The following TPH1 variants were observed in gnomAD, a reference collection of about 807,000 sequenced individuals.
TPH1 encodes the protein tryptophan 5-hydroxylase 1.
Under a neutral mutation model 49.5 loss-of-function variants are expected in TPH1, and 37 were observed. The observed-to-expected ratio is 0.75, with a 90% CI of 0.58 to 0.98. The LOEUF is 0.98. TPH1 is among the 50% of genes least tolerant of loss of function. TPH1 has a pLI of 0.00. For synonymous variants in TPH1, 160 were observed against 182.1 expected, an observed-to-expected ratio of 0.88 and a Z score of 0.98; for missense variants, 487 against 523.6, an observed-to-expected ratio of 0.93 and a Z score of 0.68.
chr11:18,035,830 T>A lies in TPH1; in HGVS notation c.301+129A>T, dbSNP rs149151430. The A allele has an allele frequency of 4.3e-4, 320 of 738,764 alleles. 2 individuals are homozygous for A. Among genetic ancestry groups the A allele is most frequent in the Non-Finnish European group, 6.6e-4 (295 of 447,358 alleles). 45.8% of individuals were successfully genotyped at this position (738,764 alleles called of 1,614,324 possible). Reference sequence around the variant, plus strand: ...GGAGCAACTATATTTTGTGTTCCCTTCACTATCAGACTGTAAGCAATTTGG... The same window carrying A: ...GGAGCAACTATATTTTGTGTTCCCTACACTATCAGACTGTAAGCAATTTGG... On this transcript the variant is annotated intron_variant, in intron 3 of 10. Transcript: ENST00000682019.
Position 18,020,052 on chromosome 11 carries a change from TTATC to T in TPH1, c.*935_*938del, listed in dbSNP as rs1161115931. 5 of 226,570 alleles carry T rather than the reference TTATC, an allele frequency of 2.2e-5. No individual in the cohort carries two copies. The East Asian group carries it at 5.1e-4, about 23-fold the overall frequency. The allele number at this position is 226,570 out of a possible 1,614,324, so 14.0% of individuals were successfully genotyped here. On this transcript the variant is annotated 3_prime_UTR_variant, in exon 11 of 11. Coordinates refer to ENST00000682019, the MANE Select transcript of TPH1 (RefSeq NM_004179.3). The stretch of plus-strand genomic sequence containing the variant: ...TTCTATCTTTTACTTTGTGCTTCTC[TTATC>T]TATCTCAGTTTGAACTCTTCCTTTG...
At position 18,021,006 on chromosome 11, in the gene TPH1, C is replaced by G. The variant is rs1458829470; in HGVS notation, c.1320G>C (p.Arg440Ser). 6.2e-7 allele frequency: 1 copy of G among 1,613,940 alleles called. No individual in the cohort carries two copies. Among genetic ancestry groups the G allele is most frequent in the African/African-American group, 1.3e-5 (1 of 74,902 alleles). ...VVSDALAKVSRKPSI is the reference protein window; with the variant it reads ...VVSDALAKVSSKPSI Reference sequence around the variant, plus strand: ...CTGGCTACTGTTAGATACTCGGCTTCCTGCTGACCTTAGCAAGGGCATCAC... The same window carrying G: ...CTGGCTACTGTTAGATACTCGGCTTGCTGCTGACCTTAGCAAGGGCATCAC... The change falls in exon 11 of 11, where the codon AGG (arginine) becomes AGC (serine). Residue 440 changes from arginine to serine, a missense_variant. Transcript: ENST00000682019.
chr11:18,026,565 G>T lies in TPH1; in HGVS notation c.728C>A (p.Ser243Ter). 1 of 1,614,032 alleles carries T rather than the reference G, an allele frequency of 6.2e-7. No homozygotes were observed. Among genetic ancestry groups the T allele is most frequent in the Non-Finnish European group, 8.5e-7 (1 of 1,179,976 alleles). ...GTGAAAAACTCGAAAGGCTAAACCT[G>T]ATAAGAAATCTCTTGGTGATAAGTA... is the stretch of plus-strand genomic sequence containing the variant. ...AGYLSPRDFL[S>*]GLAFRVFHCT... Residue 243 changes from serine to a stop codon, truncating the protein, a stop_gained, in exon 7 of 11, where the codon TCA (serine) becomes TAA (stop). Transcript: ENST00000682019. LOFTEE classifies it high-confidence loss of function.
At chr11:18,021,213 G>C in intron 10 of TPH1, 48 bp from the exon 11 acceptor site, 1 of 1,560,376 alleles carries the variant, frequency 6.4e-7, no homozygotes, top group Non-Finnish European at 8.8e-7. Flanking sequence ...GGGAGTGAAT[G>C]ATGAAAACTA....
intron 3 of TPH1, among the ~76,000 whole-genome samples, chr11:18,034,894 C>T (rs966620438): frequency 6.7e-4 from 102 of 152,158 alleles, no homozygotes; most frequent in African/African-American, 2.4e-3. Flanking sequence ...ATCAGTTGTT[C>T]CTGTTTTTGG....
intron 10 of TPH1, among the ~76,000 whole-genome samples, chr11:18,022,075 A>G (rs1325185484): frequency 6.6e-6 from 1 of 152,220 alleles, no homozygotes; most frequent in Non-Finnish European, 1.5e-5. Context: ...ATCGATCTCC[A>G]TCATCACAAT....
At chr11:18,042,609 T>C (rs1024930229) in intron 1 of TPH1, among the ~76,000 whole-genome samples, 1 of 152,208 alleles carries the variant, frequency 6.6e-6, no homozygotes, top group African/African-American at 2.4e-5. Context: ...GGATTAAACA[T>C]ATATAAACTT....
chr11:18,039,211 C>T (rs537289403), intron 2 of TPH1, among the ~76,000 whole-genome samples: 3 of 152,240 alleles, frequency 2.0e-5, no homozygotes, highest in Admixed American at 2.0e-4. Context: ...AATAGTATGT[C>T]ATATGATTAT....
At chr11:18,034,937 T>A (rs576534643) in intron 3 of TPH1, among the ~76,000 whole-genome samples, 1 of 152,328 alleles carries the variant, frequency 6.6e-6, no homozygotes, top group East Asian at 1.9e-4. Context: ...AGACAATTTT[T>A]CCAAGAAGGA....
Position 18,023,898 on chromosome 11 carries a change from C to T in TPH1, c.1016G>A (p.Ser339Asn). 2 of 1,612,538 alleles carry T rather than the reference C, an allele frequency of 1.2e-6. No individual in the cohort carries two copies. The highest frequency in any genetic ancestry group is 2.2e-5 in the South Asian group (2 of 91,050). The part of the protein sequence containing the change: ...VFGAGLLSSI[S>N]ELKHALSGHA... ...ATTTGCAACTCTTACTTTGAGTTCA[C>T]TGATAGAAGAAAGTAAGCCAGCACC... Residue 339 changes from serine (S) to asparagine (N), a missense_variant, in exon 9 of 11, where the codon AGT becomes AAT. Ser to Asn is a conservative substitution (Grantham distance 46, BLOSUM62 1). Coordinates refer to ENST00000682019, the MANE Select transcript of TPH1 (RefSeq NM_004179.3).
chr11:18,036,835 T>C (rs1289679345), intron 2 of TPH1, among the ~76,000 whole-genome samples: 1 of 152,204 alleles, frequency 6.6e-6, no homozygotes, highest in Non-Finnish European at 1.5e-5. Context: ...TACTAACCAG[T>C]GCATCCTAAA....
At chr11:18,022,060 C>T (rs1285106254) in intron 10 of TPH1, among the ~76,000 whole-genome samples, 1 of 152,224 alleles carries the variant, frequency 6.6e-6, no homozygotes, top group African/African-American at 2.4e-5. Flanking sequence ...ATGACTTCAA[C>T]CCCTATCGAT....
At chr11:18,030,654 G>A (rs368503117) in intron 4 of TPH1, among the ~76,000 whole-genome samples, 53 of 152,246 alleles carry the variant, frequency 3.5e-4, no homozygotes, top group African/African-American at 1.2e-3. Context: ...TACAATAAAT[G>A]TCTCATCATA....
At chr11:18,032,116 G>T (rs1317516572) in intron 4 of TPH1, among the ~76,000 whole-genome samples, 4 of 152,090 alleles carry the variant, frequency 2.6e-5, no homozygotes, top group African/African-American at 7.2e-5. Context: ...GCTAACACAT[G>T]AGAGAAGCTA....
At chr11:18,024,548 T>C (rs1341018366) in intron 8 of TPH1, among the ~76,000 whole-genome samples, 1 of 152,142 alleles carries the variant, frequency 6.6e-6, no homozygotes, top group African/African-American at 2.4e-5. Flanking sequence ...TTAACAGTCT[T>C]TTTGGATAGT....
rs151316376 is a variant in TPH1 at position 18,036,680 on chromosome 11, A to G, written c.118-538T>C. Among the ~76,000 whole-genome samples the G allele has an allele frequency of 3.4e-3, 515 of 152,292 alleles. 10 individuals carry two copies. Among genetic ancestry groups the G allele is most frequent in the Non-Finnish European group, 3.0e-3 (203 of 68,036 alleles). On this transcript the variant is annotated intron_variant, in intron 2 of 10. Transcript: ENST00000682019. The stretch of plus-strand genomic sequence containing the variant: ...AGCCTAAGATGGGGGTGCTCTGTGT[A>G]TAAGTGTGGGAGGAGGGTATGTTCT...
At position 18,026,510 on chromosome 11, in the gene TPH1, A is replaced by T. The variant is rs1430556261; in HGVS notation, c.783T>A (p.Asp261Glu). The change falls in exon 7 of 11, where the codon GAT (aspartate) becomes GAA (glutamate). Residue 261 changes from aspartate to glutamate, a missense_variant. By Grantham distance (45) the Asp-to-Glu change is conservative (BLOSUM62 2). Coordinates refer to ENST00000682019, the MANE Select transcript of TPH1 (RefSeq NM_004179.3). Reference sequence around the variant, plus strand: ...CTTACGGCTCTGGGGTATAGAAGGGATCTGAACTGTGTCTCACATATTGAG... The same window carrying T: ...CTTACGGCTCTGGGGTATAGAAGGGTTCTGAACTGTGTCTCACATATTGAG... The part of the protein sequence containing the change: ...HCTQYVRHSS[D>E]PFYTPEPDTC... 1 of 1,613,436 alleles carries T rather than the reference A, an allele frequency of 6.2e-7. No individual in the cohort carries two copies. The highest frequency in any genetic ancestry group is 1.7e-5 in the Admixed American group (1 of 59,934).
intron 2 of TPH1, among the ~76,000 whole-genome samples, chr11:18,036,885 G>A (rs1484454218): frequency 3.9e-5 from 6 of 152,142 alleles, no homozygotes; most frequent in African/African-American, 9.7e-5. Context: ...TAAGGGCTGC[G>A]AAGAATATAA....
intron 3 of TPH1, 43 bp downstream of exon 3, chr11:18,035,916 G>GGT: frequency 6.9e-7 from 1 of 1,448,594 alleles, no homozygotes. Flanking sequence ...ACACACATTA[G>GGT]GTGTTTCATC....
Sources: allele counts gnomAD v4.1 joint callset (sites outside exome capture counted in the v4.1 genomes callset), GRCh38; gene constraint gnomAD v4.1.1; transcripts MANE v1.5; gene names NCBI Gene and HGNC (gene_info 2026-07-23, HGNC 2026-07-21).